The following TRAPPC10 variants were observed in gnomAD, a reference collection of about 807,000 sequenced individuals.
TRAPPC10 encodes trafficking protein particle complex subunit 10, also known as TRAPP 130 kDa subunit.
TRAPPC10 carries 23 observed loss-of-function variants against 125.5 expected under a neutral mutation model. The ratio of observed to expected loss-of-function variants is 0.18; its 90% CI spans 0.13 to 0.26. The LOEUF (loss-of-function observed/expected upper bound fraction) is 0.26. Ranked by LOEUF, TRAPPC10 falls within the 10% of genes least tolerant of loss-of-function variation. The pLI is 1.00. For synonymous variants in TRAPPC10, 509 were observed against 518.0 expected, an observed-to-expected ratio of 0.98 and a Z score of 0.24; for missense variants, 1,123 against 1,308.4, an observed-to-expected ratio of 0.86 and a Z score of 2.19.
intron 2 of TRAPPC10, among the ~76,000 whole-genome samples, chr21:44,034,625 C>T (rs544300229): frequency 6.6e-6 from 1 of 152,254 alleles, no homozygotes; most frequent in South Asian, 2.1e-4. Flanking sequence ...AATGTGTTAC[C>T]TTAGGGAAGA....
chr21:44,020,665 G>A (rs1397092213), intron 1 of TRAPPC10, among the ~76,000 whole-genome samples: 1 of 152,072 alleles, frequency 6.6e-6, no homozygotes, highest in Non-Finnish European at 1.5e-5. Context: ...AACAATTTCA[G>A]GGTTGAAATT....
intron 2 of TRAPPC10, among the ~76,000 whole-genome samples, chr21:44,036,754 T>G (rs1205178557): frequency 6.6e-6 from 1 of 152,174 alleles, no homozygotes; most frequent in Non-Finnish European, 1.5e-5. Flanking sequence ...AGTTAAGGTG[T>G]CACTTTTTAA....
At chr21:44,052,189 C>A in intron 3 of TRAPPC10, 91 bp from the exon 4 acceptor site, 3 of 1,099,050 alleles carry the variant, frequency 2.7e-6, no homozygotes, top group Non-Finnish European at 2.6e-6. Context: ...TAAAACATTG[C>A]GGCCTTTGCA....
intron 1 of TRAPPC10, among the ~76,000 whole-genome samples, chr21:44,016,464 C>T (rs1026359651): frequency 2.6e-5 from 4 of 152,136 alleles, no homozygotes; most frequent in Non-Finnish European, 5.9e-5. Context: ...TAATAGTACC[C>T]TCCCTCTAGG....
At chr21:44,077,033 G>A (rs1245670805) in intron 10 of TRAPPC10, among the ~76,000 whole-genome samples, 1 of 152,086 alleles carries the variant, frequency 6.6e-6, no homozygotes, top group Non-Finnish European at 1.5e-5. Context: ...GTGGGTCAGC[G>A]TCATTCCCGG....
At chr21:44,062,185 A>G (rs1984679930) in intron 6 of TRAPPC10, among the ~76,000 whole-genome samples, 2 of 152,210 alleles carry the variant, frequency 1.3e-5, no homozygotes, top group African/African-American at 4.8e-5. Context: ...TTAAAATCCA[A>G]AAGTAAGCCT....
chr21:44,019,166 C>T (rs889821221), intron 1 of TRAPPC10, among the ~76,000 whole-genome samples: 1 of 152,130 alleles, frequency 6.6e-6, no homozygotes, highest in Non-Finnish European at 1.5e-5. Flanking sequence ...AGGTGATTCT[C>T]CCACCTCAAT....
In TRAPPC10 at chr21:44,016,732, A is replaced by T. The variant is rs187306707; in HGVS notation, c.67+4172A>T. 5.9e-5 allele frequency among the ~76,000 whole-genome samples: 9 copies of T among 151,950 alleles called. No homozygotes were observed. The East Asian group carries it at 1.7e-3, about 29-fold the overall frequency. Reference sequence around the variant, plus strand: ...GGAGTGCAGTGGTGTGATCTTGGCTAACTGCAAGCTCCGCCTCCCGGGTTC... The same window carrying T: ...GGAGTGCAGTGGTGTGATCTTGGCTTACTGCAAGCTCCGCCTCCCGGGTTC... On this transcript the variant is annotated intron_variant, in intron 1 of 22. Coordinates refer to ENST00000291574, the MANE Select transcript of TRAPPC10 (RefSeq NM_003274.5).
chr21:44,080,155 G>C (rs1292669884), intron 13 of TRAPPC10, 28 bp downstream of exon 13: 3 of 1,573,882 alleles, frequency 1.9e-6, no homozygotes, highest in Non-Finnish European at 2.6e-6. Context: ...AACTTGACTA[G>C]GAATATTTTC....
At chr21:44,081,654 G>A (rs2037750482) in intron 13 of TRAPPC10, among the ~76,000 whole-genome samples, 1 of 152,016 alleles carries the variant, frequency 6.6e-6, no homozygotes, top group African/African-American at 2.4e-5. Flanking sequence ...TGGGAGGCCG[G>A]GGCAGGCAGA....
chr21:44,069,779 G>A (rs1232447179), intron 7 of TRAPPC10, among the ~76,000 whole-genome samples: 2 of 152,178 alleles, frequency 1.3e-5, no homozygotes, highest in African/African-American at 2.4e-5. Context: ...GGATGACAAC[G>A]TTGCACCGTG....
chr21:44,038,827 T>C (rs762113458), intron 3 of TRAPPC10, among the ~76,000 whole-genome samples: 9 of 152,188 alleles, frequency 5.9e-5, no homozygotes, highest in Non-Finnish European at 8.8e-5. Context: ...TTTCACCTCA[T>C]GCACCCTTTC....
intron 5 of TRAPPC10, among the ~76,000 whole-genome samples, 161 bp from the exon 6 acceptor site, chr21:44,058,942 T>C (rs2035824167): frequency 6.6e-6 from 1 of 152,244 alleles, no homozygotes; most frequent in African/African-American, 2.4e-5. Flanking sequence ...CATGCGTGAA[T>C]GTTGACATAT....
chr21:44,043,071 A>C (rs1437422155), intron 3 of TRAPPC10, among the ~76,000 whole-genome samples: 3 of 152,202 alleles, frequency 2.0e-5, no homozygotes, highest in Non-Finnish European at 2.9e-5. Context: ...ACCATTTCAT[A>C]ATAGTGTGTC....
At chr21:44,083,430 T>A in intron 14 of TRAPPC10, 128 bp downstream of exon 14, 1 of 1,054,060 alleles carries the variant, frequency 9.5e-7, no homozygotes, top group Non-Finnish European at 1.4e-6. Context: ...TTTTTGTCTC[T>A]GTCCTTATAC....
chr21:44,028,366 C>T (rs946377761), intron 1 of TRAPPC10, among the ~76,000 whole-genome samples: 1 of 152,212 alleles, frequency 6.6e-6, no homozygotes, highest in African/African-American at 2.4e-5. Flanking sequence ...GGGGCCCATC[C>T]AGCGGCTCCA....
At position 44,089,953 on chromosome 21, in the gene TRAPPC10, C is replaced by T. The variant is rs376333678; in HGVS notation, c.2870+20C>T. 61 of 1,582,204 alleles carry T rather than the reference C, an allele frequency of 3.9e-5. No homozygotes were observed. Among genetic ancestry groups the T allele is most frequent in the African/African-American group, 2.6e-4 (19 of 74,308 alleles). The stretch of plus-strand genomic sequence containing the variant: ...AACACGGTAACGGAGGCGTAGCGTG[C>T]GGGCCCTGGCTTCTTTCCCCAGACT... On this transcript the variant is annotated intron_variant, in intron 18 of 22. Transcript: ENST00000291574.
intron 7 of TRAPPC10, among the ~76,000 whole-genome samples, chr21:44,064,468 T>G (rs1270788172): frequency 6.6e-6 from 1 of 152,208 alleles, no homozygotes; most frequent in Non-Finnish European, 1.5e-5. Context: ...GTATCTAGTC[T>G]GGTGATTCTT....
At chr21:44,023,945 C>T (rs2032813902) in intron 1 of TRAPPC10, among the ~76,000 whole-genome samples, 1 of 152,128 alleles carries the variant, frequency 6.6e-6, no homozygotes, top group Non-Finnish European at 1.5e-5. Flanking sequence ...GCCATCACAT[C>T]TGGCTAATTT....
Sources: allele counts gnomAD v4.1 joint callset (sites outside exome capture counted in the v4.1 genomes callset), GRCh38; gene constraint gnomAD v4.1.1; transcripts MANE v1.5; gene names NCBI Gene and HGNC (gene_info 2026-07-23, HGNC 2026-07-21).